Variants in EFHD1 observed in about 807,000 individuals in gnomAD.
EFHD1 encodes the protein EF-hand domain family member D1.
EFHD1 carries 10 observed loss-of-function variants against 17.2 expected under a neutral mutation model. That is an observed-to-expected ratio of 0.58 (90% confidence interval 0.36 to 0.99). EFHD1 has a LOEUF of 0.99. Among genes scored for constraint, EFHD1 ranks in the 50% least tolerant of loss-of-function variants. The pLI is 0.01. For synonymous variants in EFHD1, 153 were observed against 142.0 expected (o/e 1.08, Z -0.55); for missense variants, 310 against 327.5 (o/e 0.95, Z 0.41).
chr2:232,671,668 A>G (rs1695069682), intron 2 of EFHD1, among the ~76,000 whole-genome samples: 1 of 151,966 alleles, frequency 6.6e-6, no homozygotes, highest in Admixed American at 6.6e-5. Context: ...CAGAGGTTGC[A>G]GTGAGCCGAG....
At chr2:232,658,541 A>G (rs1694803468) in intron 1 of EFHD1, among the ~76,000 whole-genome samples, 1 of 152,222 alleles carries the variant, frequency 6.6e-6, no homozygotes, top group Admixed American at 6.5e-5. Flanking sequence ...AAATGGAAAT[A>G]TATGTCCAAA....
At chr2:232,616,911 G>A (rs142675851) in intron 1 of EFHD1, among the ~76,000 whole-genome samples, 61 of 152,316 alleles carry the variant, frequency 4.0e-4, no homozygotes, top group African/African-American at 1.3e-3. Context: ...GGGTTCCCTG[G>A]TCAGGAGTTT....
At chr2:232,624,310 C>G (rs998087542) in intron 1 of EFHD1, among the ~76,000 whole-genome samples, 16 of 152,184 alleles carry the variant, frequency 1.1e-4, no homozygotes, top group Admixed American at 3.3e-4. Context: ...CCCCAGCTTG[C>G]CCCCCAGACC....
rs138607696 is a variant in EFHD1, at chr2:232,676,153, C to T, written c.585+3710C>T. Among the ~76,000 whole-genome samples, 343 of 151,834 alleles carry T rather than the reference C, an allele frequency of 2.3e-3. 6 individuals carry two copies. Among genetic ancestry groups the T allele is most frequent in the Admixed American group, 0.017 (264 of 15,246 alleles). On this transcript the variant is annotated intron_variant, in intron 3 of 3. Transcript: ENST00000264059. ...TCAGGCCATTGCACTCCAGCCTGGG[C>T]GACAGAGCAAGACCATGTCTCAAAG...
chr2:232,635,962 A>C (rs542120597), intron 1 of EFHD1, among the ~76,000 whole-genome samples: 30 of 152,336 alleles, frequency 2.0e-4, no homozygotes, highest in Admixed American at 5.9e-4. Context: ...CAAAACGAGA[A>C]TAATTTGGCT....
chr2:232,654,741 T>C (rs1327859536), intron 1 of EFHD1, among the ~76,000 whole-genome samples: 1 of 152,150 alleles, frequency 6.6e-6, no homozygotes, highest in African/African-American at 2.4e-5. Flanking sequence ...GGATGGCTTT[T>C]CTCATCCCCC....
At position 232,627,069 on chromosome 2, in the gene EFHD1, T is replaced by A. The variant is rs1375937049; in HGVS notation, c.14+20896T>A. ...ATATATATATATATATATATATTTTTTTTTTTTTTTAATTAGCCAGTTGTG... is the reference window on the plus strand; with the variant it reads ...ATATATATATATATATATATATTTTATTTTTTTTTTAATTAGCCAGTTGTG... On this transcript the variant is annotated intron_variant, in intron 1 of 3. Coordinates refer to the EFHD1 transcript ENST00000409613. Among the ~76,000 whole-genome samples the A allele has an allele frequency of 2.3e-3, 305 of 132,116 alleles. 2 individuals are homozygous for A. Among genetic ancestry groups the A allele is most frequent in the Admixed American group, 0.021 (222 of 10,784 alleles). 86.7% of individuals were successfully genotyped at this position (132,116 alleles called of 152,430 possible). A position where few individuals can be genotyped will look rare whatever the true frequency, so the allele number is the denominator to read the frequency against.
At chr2:232,641,020 C>T (rs1158046687) in intron 1 of EFHD1, among the ~76,000 whole-genome samples, 7 of 152,064 alleles carry the variant, frequency 4.6e-5, no homozygotes, top group Admixed American at 2.6e-4. Flanking sequence ...GAAGCAAGAG[C>T]CTTCTCATGG....
chr2:232,606,339 G>C (rs556479052), intron 1 of EFHD1, among the ~76,000 whole-genome samples: 106 of 152,312 alleles, frequency 7.0e-4, no homozygotes, highest in Admixed American at 1.6e-3. Context: ...GTCTGCGATC[G>C]GCTGGGCTTT....
At chr2:232,644,555 C>T (rs989371521) in intron 1 of EFHD1, among the ~76,000 whole-genome samples, 3 of 151,794 alleles carry the variant, frequency 2.0e-5, no homozygotes, top group African/African-American at 7.3e-5. Flanking sequence ...CTCTGTCGCC[C>T]AGGCTGGAGT....
At chr2:232,615,565 C>T (rs1269886124) in intron 1 of EFHD1, among the ~76,000 whole-genome samples, 2 of 151,900 alleles carry the variant, frequency 1.3e-5, no homozygotes, top group African/African-American at 2.4e-5. Flanking sequence ...CAAGAGATCA[C>T]GGGCCTGCAT....
At chr2:232,613,833 C>T (rs966107208) in intron 1 of EFHD1, among the ~76,000 whole-genome samples, 3 of 150,444 alleles carry the variant, frequency 2.0e-5, no homozygotes, top group African/African-American at 4.9e-5. Context: ...CACAAATATA[C>T]ACACATACAC....
chr2:232,641,330 G>A (rs1437671324), intron 1 of EFHD1, among the ~76,000 whole-genome samples: 2 of 152,184 alleles, frequency 1.3e-5, no homozygotes. Flanking sequence ...ACCGCACCTG[G>A]CCACAATCGG....
In EFHD1 at chr2:232,625,115, G is replaced by A. The variant is rs116553991; in HGVS notation, c.14+18942G>A. On this transcript the variant is annotated intron_variant, in intron 1 of 3. Coordinates refer to the EFHD1 transcript ENST00000409613. The stretch of plus-strand genomic sequence containing the variant: ...GCAGGGATTTTGTATTATTTTGCTG[G>A]TACTGGGTTCATATTTGTTTGTTTG... Among the ~76,000 whole-genome samples the A allele has an allele frequency of 5.1e-3, 774 of 152,078 alleles. 6 individuals are homozygous for A. The highest frequency in any genetic ancestry group is 0.017 in the African/African-American group (701 of 41,482).
chr2:232,670,305 A>G (rs114195831), intron 2 of EFHD1, among the ~76,000 whole-genome samples: 6,520 of 152,128 alleles, frequency 0.043, 254 homozygotes, highest in East Asian at 0.21. Context: ...ACCAGGTGTG[A>G]TGTCACGCTC....
upstream of EFHD1, chr2:232,633,409 G>T (rs544581931): frequency 4.4e-3 from 5,152 of 1,178,404 alleles, 16 homozygotes; most frequent in Non-Finnish European, 4.9e-3. Context: ...TCAGCCTCCC[G>T]CCCGGAGCCG....
At chr2:232,643,688 T>G (rs777310044) in intron 1 of EFHD1, among the ~76,000 whole-genome samples, 24 of 151,528 alleles carry the variant, frequency 1.6e-4, no homozygotes, top group African/African-American at 5.1e-4. Context: ...TTTGTTTGTT[T>G]TTGTTGTTGT....
intron 1 of EFHD1, among the ~76,000 whole-genome samples, chr2:232,654,416 CTTTTT>C (rs539954632): frequency 4.1e-4 from 39 of 94,596 alleles, no homozygotes; most frequent in Admixed American, 2.9e-3. Context: ...TTCTTTCTTT[CTTTTT>C]TTTTTTTTTT....
chr2:232,651,511 C>A (rs986515237), intron 1 of EFHD1, among the ~76,000 whole-genome samples: 6 of 152,230 alleles, frequency 3.9e-5, no homozygotes, highest in Non-Finnish European at 7.3e-5. Context: ...TAAGTGTTCC[C>A]CCTTCCCCCG....
Sources: allele counts gnomAD v4.1 joint callset (sites outside exome capture counted in the v4.1 genomes callset), GRCh38; gene constraint gnomAD v4.1.1; transcripts MANE v1.5; gene names NCBI Gene and HGNC (gene_info 2026-07-23, HGNC 2026-07-21).